The following ABCA9 variants were observed in gnomAD, a reference collection of about 807,000 sequenced individuals.
ABCA9 encodes ATP binding cassette subfamily A member 9.
A neutral mutation model predicts 205.3 loss-of-function variants in ABCA9; 183 were observed. The ratio of observed to expected loss-of-function variants is 0.89; its 90% confidence interval spans 0.79 to 1.01. The LOEUF is 1.01. Among genes scored for constraint, ABCA9 ranks in the 50% least tolerant of loss-of-function variants. ABCA9 has a pLI of 0.00. For missense variants in ABCA9, 1,805 were observed against 1,912.4 expected (o/e 0.94, Z 1.05); for synonymous variants, 651 against 683.3 (o/e 0.95, Z 0.74).
chr17:69,036,110 G>A (rs1313913335), intron 6 of ABCA9, among the ~76,000 whole-genome samples: 2 of 152,068 alleles, frequency 1.3e-5, no homozygotes, highest in African/African-American at 4.8e-5. Flanking sequence ...TCTCAGCTCT[G>A]GACAAGTTTT....
chr17:69,033,637 T>G, intron 9 of ABCA9, 89 bp downstream of exon 9: 1 of 1,146,884 alleles, frequency 8.7e-7, no homozygotes, highest in Non-Finnish European at 1.2e-6. Context: ...AAAAACTGCT[T>G]GCTAATTTTT....
At chr17:69,078,844 T>TTA in the ABCA9 span, 8 of 554,742 alleles carry the variant, frequency 1.4e-5, no homozygotes, top group South Asian at 1.1e-4. Flanking sequence ...ATTTATGTAT[T>TTA]TGTTAACTAA....
rs374638994 is a variant in ABCA9, at chr17:68,986,281, A to G, written c.4091T>C (p.Leu1364Pro). 30 of 1,613,456 alleles carry G rather than the reference A, an allele frequency of 1.9e-5. No individual in the cohort carries two copies. The highest frequency in any genetic ancestry group is 4.2e-6 in the Non-Finnish European group (5 of 1,179,756). ...CGCATTCTCCTGAGGGCAGTACCCCAGGAAGCCCAGGGGTTCCCCTCCACC... is the reference window on the plus strand; with the variant it reads ...CGCATTCTCCTGAGGGCAGTACCCCGGGAAGCCCAGGGGTTCCCCTCCACC... ...GSGGGEPLGF[L>P]GYCPQENALW... is the part of the protein sequence containing the mutation. Residue 1364 changes from leucine (L) to proline (P), a missense_variant, in exon 32 of 39, where the codon CTG (leucine) becomes CCG (proline). Coordinates refer to ENST00000340001, the MANE Select transcript of ABCA9 (RefSeq NM_080283.4).
At chr17:69,010,100 C>T (rs559934011) in intron 23 of ABCA9, among the ~76,000 whole-genome samples, 15 of 149,058 alleles carry the variant, frequency 1.0e-4, no homozygotes, top group African/African-American at 3.0e-4. Context: ...TGAGTAACAA[C>T]GAAGTACGTA....
rs774909967 is a variant in ABCA9, at chr17:68,990,845, AG to A, written c.3828del (p.Phe1277LeufsTer46). 3.7e-6 allele frequency: 6 copies of A among 1,611,742 alleles called. No individual in the cohort carries two copies. In the South Asian group the frequency reaches 6.6e-5, roughly 18 times the overall value. On this transcript the variant is annotated frameshift_variant, in exon 29 of 39. Coordinates refer to ENST00000340001, the MANE Select transcript of ABCA9 (RefSeq NM_080283.4). LOFTEE classifies it high-confidence loss of function. Reference sequence around the variant, plus strand: ...ACATTTCTGAGTTCTACCTCATCAAAGTCTCGCACAGCCATAGCATTCACTG... The same window carrying A: ...ACATTTCTGAGTTCTACCTCATCAAATCTCGCACAGCCATAGCATTCACTG... The part of the protein sequence containing the change: ...MRTVNAMAVR[D>X]FDETPVIIAS...
chr17:68,983,569 A>C (rs2069131225), intron 36 of ABCA9, 140 bp downstream of exon 36: 1 of 1,202,568 alleles, frequency 8.3e-7, no homozygotes, highest in African/African-American at 1.5e-5. Flanking sequence ...GAGCCCTTGG[A>C]ATTGAATTTC....
the ABCA9 span, among the ~76,000 whole-genome samples, chr17:69,077,434 A>T: frequency 6.6e-6 from 1 of 152,308 alleles, no homozygotes; most frequent in East Asian, 1.9e-4. Context: ...GCATGTGGCC[A>T]ATCTTGGAGT....
chr17:68,989,256 T>TCTCA lies in ABCA9; in HGVS notation c.3956-139_3956-138insTGAG, dbSNP rs138281321. On this transcript the variant is annotated intron_variant, in intron 30 of 38. Transcript: ENST00000340001. ...TTTCCCTTATTCCTCTCTCTCTCTC[T>TCTCA]CACACACACACACACACACACACAC... The TCTCA allele has an allele frequency of 5.2e-3, 1,252 of 242,472 alleles. 3 individuals carry two copies. Among genetic ancestry groups the TCTCA allele is most frequent in the African/African-American group, 7.9e-3 (334 of 42,544 alleles). 15.0% of individuals were successfully genotyped at this position (242,472 alleles called of 1,614,324 possible).
At position 69,035,395 on chromosome 17, in the gene ABCA9, T is replaced by G. The variant is rs1226823429; in HGVS notation, c.979A>C (p.Lys327Gln). 1 of 1,604,198 alleles carries G rather than the reference T, an allele frequency of 6.2e-7. No homozygotes were observed. Among genetic ancestry groups the G allele is most frequent in the Admixed American group, 1.7e-5 (1 of 58,734 alleles). The change falls in exon 8 of 39, where the codon AAA (lysine) becomes CAA (glutamine). Residue 327 changes from lysine (K) to glutamine (Q), a missense_variant. Lys to Gln is a moderately conservative substitution (Grantham distance 53). Coordinates refer to ENST00000340001, the MANE Select transcript of ABCA9 (RefSeq NM_080283.4). ...LAFLMSVLIKKPFLTGLVVFL... is the reference protein window; with the variant it reads ...LAFLMSVLIKQPFLTGLVVFL... ...ACAACCAAGCCCGTAAGGAAAGGTT[T>G]CTTTATCAACACACTCATCAGGAAA...
chr17:68,985,646 G>A (rs1300681898), intron 32 of ABCA9, among the ~76,000 whole-genome samples: 1 of 151,574 alleles, frequency 6.6e-6, no homozygotes, highest in African/African-American at 2.4e-5. Flanking sequence ...CAAAAACCAA[G>A]AATAATCAGT....
rs2071008014 is a variant in ABCA9, at chr17:69,026,908, C to T, written c.2050+68G>A. 4 of 1,556,426 alleles carry T rather than the reference C, an allele frequency of 2.6e-6. No homozygotes were observed. In the South Asian group the frequency reaches 3.6e-5, roughly 14 times the overall value. On this transcript the variant is annotated intron_variant, in intron 15 of 38. Coordinates refer to ENST00000340001, the MANE Select transcript of ABCA9 (RefSeq NM_080283.4). Reference sequence around the variant, plus strand: ...GTTCCAGGGAGACACAGCTGTGGAGCATACCTGTTCATATTCCACACTGTC... The same window carrying T: ...GTTCCAGGGAGACACAGCTGTGGAGTATACCTGTTCATATTCCACACTGTC...
At chr17:69,021,681 C>CTTCT (rs2144295868) in intron 18 of ABCA9, 61 bp downstream of exon 18, 4 of 901,884 alleles carry the variant, frequency 4.4e-6, no homozygotes, top group Non-Finnish European at 6.2e-6. Flanking sequence ...TTCTTTCGTC[C>CTTCT]TTCCTTCCTT....
rs751003002 is a variant in ABCA9 at position 69,029,168 on chromosome 17, C to A, written c.1504+1G>T. The A allele has an allele frequency of 2.6e-6, 4 of 1,530,042 alleles. No individual in the cohort carries two copies. Among genetic ancestry groups the A allele is most frequent in the Non-Finnish European group, 3.6e-6 (4 of 1,122,562 alleles). 94.8% of individuals were successfully genotyped at this position (1,530,042 alleles called of 1,614,324 possible). A position where few individuals can be genotyped will look rare whatever the true frequency, so the allele number is the denominator to read the frequency against. ...CATTAAATAAAATATTATTTTATTA[C>A]CTTTCAAAGCTTCTACTCTCTCACA... is the stretch of plus-strand genomic sequence containing the variant. On this transcript the variant is annotated splice_donor_variant, in intron 11 of 38. Coordinates refer to ENST00000340001, the MANE Select transcript of ABCA9 (RefSeq NM_080283.4). LOFTEE classifies it high-confidence loss of function.
chr17:69,050,325 C>T (rs1216133971), intron 2 of ABCA9, among the ~76,000 whole-genome samples: 1 of 99,208 alleles, frequency 1.0e-5, no homozygotes. Context: ...GTTGCATGAA[C>T]ACACACACAC....
At chr17:69,024,069 T>A in intron 17 of ABCA9, 145 bp downstream of exon 17, 1 of 847,144 alleles carries the variant, frequency 1.2e-6, no homozygotes, top group East Asian at 2.7e-5. Context: ...ATATTATAAG[T>A]GACCTTGGAG....
At position 69,018,480 on chromosome 17, in the gene ABCA9, T is replaced by G; in HGVS notation, c.2700A>C (p.Thr900=). The change falls in exon 20 of 39, where the codon ACA becomes ACC. Residue 900 remains threonine, a synonymous_variant. Transcript: ENST00000340001. ...KSYPWELSPN[T]YFLSPGQQPQ... Reference sequence around the variant, plus strand: ...GTTGTTGTCCTGGTGAGAGGAAGTATGTATTTGGAGACAGTTCCCACGGGT... The same window carrying G: ...GTTGTTGTCCTGGTGAGAGGAAGTAGGTATTTGGAGACAGTTCCCACGGGT... The G allele has an allele frequency of 6.2e-7, 1 of 1,608,422 alleles. No individual in the cohort carries two copies. Among genetic ancestry groups the G allele is most frequent in the Non-Finnish European group, 8.5e-7 (1 of 1,177,750 alleles).
At chr17:68,988,976 A>G (rs1316526999) in intron 31 of ABCA9, 51 bp downstream of exon 31, 2 of 1,120,450 alleles carry the variant, frequency 1.8e-6, no homozygotes, top group African/African-American at 1.5e-5. Flanking sequence ...ATTGCCATCA[A>G]TATTCTTTGT....
At chr17:69,056,608 T>C (rs1403437588) in intron 1 of ABCA9, among the ~76,000 whole-genome samples, 1 of 152,156 alleles carries the variant, frequency 6.6e-6, no homozygotes, top group African/African-American at 2.4e-5. Context: ...AAGAAATTAT[T>C]TCAACACTCT....
Position 69,027,344 on chromosome 17 carries a change from A to C in ABCA9, c.1897T>G (p.Leu633Val), listed in dbSNP as rs775070525. ...NRKLTFGIAI[L>V]GDPQVLLLDE... ...GTTTGACTTACTTGAGGATCTCCTAAAATGGCAATCCCAAAAGTTAGTTTC... is the reference window on the plus strand; with the variant it reads ...GTTTGACTTACTTGAGGATCTCCTACAATGGCAATCCCAAAAGTTAGTTTC... The change falls in exon 14 of 39, where the codon TTA (leucine) becomes GTA (valine). Residue 633 changes from leucine to valine, a missense_variant. Transcript: ENST00000340001. 4 of 1,613,190 alleles carry C rather than the reference A, an allele frequency of 2.5e-6. No homozygotes were observed. In the South Asian group the frequency reaches 4.4e-5, roughly 18 times the overall value.
Sources: gnomAD v4.1 joint callset for allele counts (sites outside exome capture counted in the v4.1 genomes callset) on GRCh38, gnomAD v4.1.1 for gene constraint, MANE v1.5 for transcripts, NCBI Gene and HGNC (gene_info 2026-07-23, HGNC 2026-07-21) for gene names.